TMEM87B: variants seen among roughly 807,000 people sequenced by gnomAD.
The protein encoded by TMEM87B is transmembrane protein 87B.
Under a neutral mutation model 80.3 loss-of-function variants are expected in TMEM87B, and 83 were observed. The observed-to-expected ratio is 1.03, with a 90% CI of 0.87 to 1.24. The LOEUF is 1.24. Among genes scored for constraint, TMEM87B ranks in the 50% most tolerant of loss-of-function variants. TMEM87B has a pLI of 0.00. For synonymous variants in TMEM87B, 219 were observed against 230.5 expected (o/e 0.95, Z 0.45); for missense variants, 625 against 674.4 (o/e 0.93, Z 0.81).
At chr2:112,064,070 T>G in intron 2 of TMEM87B, 92 bp from the exon 3 acceptor site, 1 of 1,014,846 alleles carries the variant, frequency 9.9e-7, no homozygotes, top group South Asian at 1.6e-5. Context: ...TACATTAAAG[T>G]AGCCTATTTT....
intron 15 of TMEM87B, among the ~76,000 whole-genome samples, chr2:112,102,806 T>C (rs757641422): frequency 4.6e-5 from 7 of 152,118 alleles, no homozygotes; most frequent in Non-Finnish European, 8.8e-5. Context: ...AGCAAACTAA[T>C]TCTAAAATGG....
In TMEM87B at chr2:112,086,054, G is replaced by A. The variant is rs374549780; in HGVS notation, c.888G>A (p.Thr296=). The A allele has an allele frequency of 7.7e-5, 125 of 1,614,214 alleles. No individual in the cohort carries two copies. Among genetic ancestry groups the A allele is most frequent in the Non-Finnish European group, 9.5e-5 (112 of 1,180,036 alleles). ...FAELISAIKR[T]LARLLVIIVS... is the part of the protein sequence containing the mutation. Reference sequence around the variant, plus strand: ...AGTTGATTTCTGCGATTAAGAGGACGTTGGCTCGCCTTCTCGTGATCATTG... The same window carrying A: ...AGTTGATTTCTGCGATTAAGAGGACATTGGCTCGCCTTCTCGTGATCATTG... The change falls in exon 9 of 19, where the codon ACG becomes ACA. Residue 296 remains threonine (T), a synonymous_variant. Coordinates refer to ENST00000283206, the MANE Select transcript of TMEM87B (RefSeq NM_032824.3).
chr2:112,061,028 T>G (rs961009718), intron 2 of TMEM87B, among the ~76,000 whole-genome samples: 2 of 152,348 alleles, frequency 1.3e-5, no homozygotes, highest in African/African-American at 4.8e-5. Flanking sequence ...TGATAAACCC[T>G]TTATGGCCTT....
At position 112,055,284 on chromosome 2, in the gene TMEM87B, C is replaced by G; in HGVS notation, c.-308C>G. The G allele has an allele frequency of 4.8e-6, 2 of 415,030 alleles. No homozygotes were observed. The highest frequency in any genetic ancestry group is 8.6e-6 in the Non-Finnish European group (2 of 232,704). The allele number at this position is 415,030 out of a possible 1,614,324, so 25.7% of individuals were successfully genotyped here. On this transcript the variant is annotated 5_prime_UTR_variant, in exon 1 of 19. Transcript: ENST00000283206. ...CTCCTCTTCTATCTTCACGCCCACGCTAGGCCCTGAGCCCAGCCTCCACGT... is the reference window on the plus strand; with the variant it reads ...CTCCTCTTCTATCTTCACGCCCACGGTAGGCCCTGAGCCCAGCCTCCACGT...
Position 112,097,219 on chromosome 2 carries a change from T to C in TMEM87B, c.1214-14T>C, listed in dbSNP as rs902757731. The C allele has an allele frequency of 1.9e-6, 3 of 1,605,492 alleles. No homozygotes were observed. The highest frequency in any genetic ancestry group is 2.7e-5 in the African/African-American group (2 of 74,378). On this transcript the variant is annotated splice_polypyrimidine_tract_variant and intron_variant, in intron 12 of 18. Transcript: ENST00000283206. ...TGTTATATTCCTTCAAAGGTGACTTTTTGTGTGTTTCAGCTTCTATAGTGT... is the reference window on the plus strand; with the variant it reads ...TGTTATATTCCTTCAAAGGTGACTTCTTGTGTGTTTCAGCTTCTATAGTGT...
In TMEM87B at chr2:112,065,481, C is replaced by CA. The variant is rs1228809370; in HGVS notation, c.318+1234dup. Among the ~76,000 whole-genome samples the CA allele has an allele frequency of 2.2e-4, 34 of 151,712 alleles. 1 individual carries two copies. ...GGCAACAAGTGAGACCCTGTCTCTA[C>CA]AAAAAATTAAAAAATTAGCCAGACA... is the stretch of plus-strand genomic sequence containing the variant. On this transcript the variant is annotated intron_variant, in intron 3 of 18. Transcript: ENST00000283206.
At chr2:112,105,422 T>C (rs1450510570) in intron 15 of TMEM87B, among the ~76,000 whole-genome samples, 1 of 152,216 alleles carries the variant, frequency 6.6e-6, no homozygotes, top group South Asian at 2.1e-4. Flanking sequence ...GTAGAAATTA[T>C]TATTATCCCC....
intron 1 of TMEM87B, 50 bp from the exon 2 acceptor site, chr2:112,059,927 G>T: frequency 6.3e-7 from 1 of 1,575,036 alleles, no homozygotes; most frequent in Non-Finnish European, 8.6e-7. Context: ...TAAAACAGTT[G>T]CAAAAAAAAC....
intron 4 of TMEM87B, among the ~76,000 whole-genome samples, chr2:112,069,209 A>AC (rs1678547826): frequency 6.6e-6 from 1 of 151,560 alleles, no homozygotes; most frequent in South Asian, 2.1e-4. Context: ...AAAAAAAAAA[A>AC]AAAAAAAAAA....
At chr2:112,111,940 C>T (rs946714455) in intron 17 of TMEM87B, among the ~76,000 whole-genome samples, 1 of 152,192 alleles carries the variant, frequency 6.6e-6, no homozygotes, top group Admixed American at 6.5e-5. Context: ...GTGTTTAGCT[C>T]TAAACAAGGT....
At chr2:112,080,919 C>A in intron 6 of TMEM87B, 138 bp from the exon 7 acceptor site, 3 of 689,874 alleles carry the variant, frequency 4.3e-6, no homozygotes, top group Non-Finnish European at 7.5e-6. Flanking sequence ...TACTAATTGT[C>A]CAATACCATG....
rs1553466996 is a variant in TMEM87B, at chr2:112,091,658, A to G, written c.1033-54A>G. 43 of 1,150,242 alleles carry G rather than the reference A, an allele frequency of 3.7e-5. No homozygotes were observed. The South Asian group carries it at 4.6e-4, about 12-fold the overall frequency. 71.3% of individuals were successfully genotyped at this position (1,150,242 alleles called of 1,614,324 possible). A position where few individuals can be genotyped will look rare whatever the true frequency, so the allele number is the denominator to read the frequency against. On this transcript the variant is annotated intron_variant, in intron 10 of 18. Transcript: ENST00000283206. ...TTTTCTTCATCAAATGATAATTGCT[A>G]TAGTGCAATGAAAGTGTTACATTCA... is the stretch of plus-strand genomic sequence containing the variant.
intron 13 of TMEM87B, 108 bp from the exon 14 acceptor site, chr2:112,098,487 C>G: frequency 1.1e-6 from 1 of 944,640 alleles, no homozygotes; most frequent in Non-Finnish European, 1.6e-6. Context: ...GGAAGACTTA[C>G]TGGTTGGAAA....
At chr2:112,106,412 A>G (rs1466590330) in intron 16 of TMEM87B, among the ~76,000 whole-genome samples, 2 of 152,322 alleles carry the variant, frequency 1.3e-5, no homozygotes, top group Non-Finnish European at 2.9e-5. Context: ...TAGCCTGTTC[A>G]TCTGCACATT....
chr2:112,095,166 T>C, intron 11 of TMEM87B: 1 of 47,222 alleles, frequency 2.1e-5, no homozygotes. Flanking sequence ...TCTTTCTTTC[T>C]TTTTTTTTTT....
Position 112,097,732 on chromosome 2 carries a change from A to C in TMEM87B, c.1272+441A>C, listed in dbSNP as rs1016980710. Among the ~76,000 whole-genome samples the C allele has an allele frequency of 6.6e-5, 10 of 151,668 alleles. 1 individual carries two copies. Among genetic ancestry groups the C allele is most frequent in the Admixed American group, 4.6e-4 (7 of 15,234 alleles). ...CATCTCAAAAAAAAAAAAAAAAAAAAAAAAACTTTTAACTCCTCCAAGTGA... is the reference window on the plus strand; with the variant it reads ...CATCTCAAAAAAAAAAAAAAAAAAACAAAAACTTTTAACTCCTCCAAGTGA... On this transcript the variant is annotated intron_variant, in intron 13 of 18. Coordinates refer to ENST00000283206, the MANE Select transcript of TMEM87B (RefSeq NM_032824.3).
Position 112,097,140 on chromosome 2 carries a change from T to C in TMEM87B, c.1201T>C (p.Phe401Leu). The C allele has an allele frequency of 6.2e-7, 1 of 1,602,438 alleles. No individual in the cohort carries two copies. Among genetic ancestry groups the C allele is most frequent in the East Asian group, 2.2e-5 (1 of 44,710 alleles). ...TAGACATTTTAAAAATACTCTGATC[T>C]TTGCTGTGCTGGGTAAGCTATTTAA... ...LYRHFKNTLI[F>L]AVLASIVFMG... The change falls in exon 12 of 19, where the codon TTT becomes CTT. Residue 401 changes from phenylalanine (F) to leucine (L), a missense_variant. Physicochemically the swap from Phe to Leu is conservative, Grantham distance 22. Transcript: ENST00000283206.
intron 4 of TMEM87B, among the ~76,000 whole-genome samples, chr2:112,068,810 A>G (rs527505326): frequency 1.2e-4 from 19 of 152,334 alleles, no homozygotes; most frequent in African/African-American, 3.8e-4. Context: ...TTCCCTGCCA[A>G]TGGCAACACT....
chr2:112,065,268 CAG>C (rs1426245239), intron 3 of TMEM87B, among the ~76,000 whole-genome samples: 1 of 152,158 alleles, frequency 6.6e-6, no homozygotes, highest in Non-Finnish European at 1.5e-5. Context: ...TTCCTAAGAA[CAG>C]AGATATTCAT....
Sources: gnomAD v4.1 joint callset for allele counts (sites outside exome capture counted in the v4.1 genomes callset) on GRCh38, gnomAD v4.1.1 for gene constraint, MANE v1.5 for transcripts, NCBI Gene and HGNC (gene_info 2026-07-23, HGNC 2026-07-21) for gene names.